The following SORBS2 variants were observed in gnomAD, a reference collection of about 807,000 sequenced individuals.
SORBS2 encodes the protein sorbin and SH3 domain containing 2.
SORBS2 carries 46 observed loss-of-function variants against 97.7 expected under a neutral mutation model. That is an observed-to-expected ratio of 0.47 (90% confidence interval 0.37 to 0.60). The LOEUF is 0.60. SORBS2 is among the 20% of genes least tolerant of loss of function. The pLI, the probability that SORBS2 is intolerant of heterozygous loss-of-function variation, is 0.00. For missense variants in SORBS2, 1,316 were observed against 1,282.3 expected, an observed-to-expected ratio of 1.03 and a Z score of -0.40; for synonymous variants, 476 against 473.4, an observed-to-expected ratio of 1.01 and a Z score of -0.07.
chr4:185,883,867 T>C (rs2099238059), intron 1 of SORBS2, among the ~76,000 whole-genome samples: 1 of 152,156 alleles, frequency 6.6e-6, no homozygotes, highest in Non-Finnish European at 1.5e-5. Context: ...TTTTTTTAAC[T>C]AACAAATGAT....
chr4:185,859,372 C>T (rs2099222385), intron 1 of SORBS2, among the ~76,000 whole-genome samples: 1 of 152,164 alleles, frequency 6.6e-6, no homozygotes, highest in Non-Finnish European at 1.5e-5. Context: ...CACGCTGTGC[C>T]TGCCTCTCTC....
At chr4:185,792,694 T>C (rs1421475167) in intron 1 of SORBS2, among the ~76,000 whole-genome samples, 1 of 152,178 alleles carries the variant, frequency 6.6e-6, no homozygotes, top group Non-Finnish European at 1.5e-5. Flanking sequence ...CTATTTCTGA[T>C]CTTGAGGATA....
At chr4:185,906,264 C>A (rs1432588151) in intron 1 of SORBS2, among the ~76,000 whole-genome samples, 1 of 151,662 alleles carries the variant, frequency 6.6e-6, no homozygotes, top group African/African-American at 2.4e-5. Context: ...AACTCCTGAC[C>A]TCAGGTGATC....
At position 185,823,708 on chromosome 4, in the gene SORBS2, G is replaced by GA. The variant is rs533300944; in HGVS notation, c.-337-48343dup. 1.5e-4 allele frequency among the ~76,000 whole-genome samples: 23 copies of GA among 152,082 alleles called. No homozygotes were observed. In the East Asian group the frequency reaches 2.3e-3, roughly 15 times the overall value. ...AAACTTCTCAATTTCCACGAGACAGGAAAAAAAGTGTTATTAGTCACACAT... is the reference window on the plus strand; with the variant it reads ...AAACTTCTCAATTTCCACGAGACAGGAAAAAAAAGTGTTATTAGTCACACAT... On this transcript the variant is annotated intron_variant, in intron 1 of 20. Coordinates refer to the SORBS2 transcript ENST00000284776.
intron 5 of SORBS2, 65 bp from the exon 18 acceptor site, chr4:185,627,084 C>A: frequency 6.9e-7 from 1 of 1,453,662 alleles, no homozygotes; most frequent in Non-Finnish European, 9.6e-7. Context: ...ACCAGAAAAA[C>A]CGGTGGAACG....
rs1449075215 is a variant in SORBS2 at position 185,631,200 on chromosome 4, A to C, written c.397-602T>G. 2.0e-5 allele frequency among the ~76,000 whole-genome samples: 3 copies of C among 152,236 alleles called. No individual in the cohort carries two copies. In the East Asian group the frequency reaches 5.8e-4, roughly 29 times the overall value. ...AAAGTACCTGGTACTTCAATCAGGT[A>C]AATAGTTATACTTTTACAATTAGGT... is the stretch of plus-strand genomic sequence containing the variant. On this transcript the variant is annotated intron_variant, in intron 4 of 14. Transcript: ENST00000418609.
At chr4:185,635,240 T>C (rs1293798778) in intron 4 of SORBS2, 115 bp downstream of exon 16, 2 of 723,384 alleles carry the variant, frequency 2.8e-6, no homozygotes, top group South Asian at 1.8e-5. Flanking sequence ...CAAAGATAGA[T>C]ATTTTTTCAA....
Position 185,684,658 on chromosome 4 carries a change from T to A in SORBS2, c.-197-5836A>T, listed in dbSNP as rs2097920848. The A allele has an allele frequency of 1.1e-6, 1 of 887,656 alleles. No homozygotes were observed. Among genetic ancestry groups the A allele is most frequent in the South Asian group, 1.7e-5 (1 of 59,408 alleles). The allele number at this position is 887,656 out of a possible 1,614,324, so 55.0% of individuals were successfully genotyped here. A position where few individuals can be genotyped will look rare whatever the true frequency, so the allele number is the denominator to read the frequency against. ...CACATTTAAAATGTTTCCTACAAGA[T>A]CTCATTTTCCTTTGCTTTTTACGTT... On this transcript the variant is annotated intron_variant, in intron 2 of 20. Coordinates refer to the SORBS2 transcript ENST00000284776. This position sits in a 1 kb window ranked among gnomAD's most constrained non-coding sequence, Gnocchi z 4.2.
At chr4:185,697,239 G>A (rs2098188768) in intron 2 of SORBS2, among the ~76,000 whole-genome samples, 1 of 152,148 alleles carries the variant, frequency 6.6e-6, no homozygotes, top group East Asian at 1.9e-4. Context: ...CTTTACCTTT[G>A]ATTGAGTCTT....
chr4:185,688,613 C>G (rs1316532695), intron 2 of SORBS2, among the ~76,000 whole-genome samples: 1 of 152,116 alleles, frequency 6.6e-6, no homozygotes, highest in African/African-American at 2.4e-5. Flanking sequence ...ATCTATCTAT[C>G]TATCTATCAT....
intron 1 of SORBS2, among the ~76,000 whole-genome samples, chr4:185,827,195 TCATCATCACCATCATCAC>T (rs769775027): frequency 9.1e-6 from 1 of 109,800 alleles, no homozygotes; most frequent in Non-Finnish European, 2.0e-5. Context: ...ACCATCATCA[TCATCATCACCATCATCAC>T]CATCATCACC....
At chr4:185,634,452 C>T (rs993731298) in intron 4 of SORBS2, among the ~76,000 whole-genome samples, 1 of 152,038 alleles carries the variant, frequency 6.6e-6, no homozygotes, top group Admixed American at 6.6e-5. Context: ...ATGCTAGTTG[C>T]TTCTAAGAGT....
chr4:185,919,563 A>G (rs7655682), intron 1 of SORBS2: 1 of 152,210 alleles, frequency 6.6e-6, no homozygotes, highest in Non-Finnish European at 1.5e-5. Context: ...CCAGTTTTTG[A>G]CTGTAGAGGT....
At chr4:185,642,584 C>A (rs894710533) in intron 4 of SORBS2, among the ~76,000 whole-genome samples, 13 of 152,120 alleles carry the variant, frequency 8.5e-5, no homozygotes. Context: ...CTGGTGACTG[C>A]TAAGTACTTT....
chr4:185,943,179 T>C (rs945926898), intron 1 of SORBS2, among the ~76,000 whole-genome samples: 3 of 152,218 alleles, frequency 2.0e-5, no homozygotes, highest in Non-Finnish European at 1.5e-5. Context: ...AAAAGAGATA[T>C]TCAGGAAAGA....
At chr4:185,868,717 C>T (rs145835479) in intron 1 of SORBS2, among the ~76,000 whole-genome samples, 51 of 152,124 alleles carry the variant, frequency 3.4e-4, no homozygotes, top group African/African-American at 1.1e-3. Context: ...TAAAGGTGTT[C>T]GGCAAAACAG....
chr4:185,793,841 T>C (rs1482038196), intron 1 of SORBS2, among the ~76,000 whole-genome samples: 7 of 152,218 alleles, frequency 4.6e-5, no homozygotes, highest in African/African-American at 1.4e-4. Context: ...AGCATCCTTC[T>C]TTTACAGAGA....
intron 1 of SORBS2, among the ~76,000 whole-genome samples, chr4:185,910,864 A>G (rs1253171978): frequency 6.6e-6 from 1 of 152,166 alleles, no homozygotes; most frequent in African/African-American, 2.4e-5. Flanking sequence ...AGTAAATCAG[A>G]ATTTAACATT....
chr4:185,868,159 C>CTTTTTTTTTTTTTTTTTTTTTTTTT (rs112680775), intron 1 of SORBS2, among the ~76,000 whole-genome samples: 2 of 105,222 alleles, frequency 1.9e-5, no homozygotes, highest in African/African-American at 3.9e-5. Context: ...TTTTTTCTTT[C>CTTTTTTTTTTTTTTTTTTTTTTTTT]TTTTTTTTTT....
Sources: gnomAD v4.1 joint callset for allele counts (sites outside exome capture counted in the v4.1 genomes callset) on GRCh38, gnomAD v4.1.1 for gene constraint, Gnocchi (gnomAD v3.1) non-coding constraint, MANE v1.5 for transcripts, NCBI Gene and HGNC (gene_info 2026-07-23, HGNC 2026-07-21) for gene names.